Variants in GNPAT observed in about 807,000 individuals in gnomAD.
GNPAT encodes glyceronephosphate O-acyltransferase.
Under a neutral mutation model 78.4 loss-of-function variants are expected in GNPAT, and 30 were observed. The observed-to-expected ratio is 0.38, with a 90% CI of 0.29 to 0.52. The LOEUF is 0.52. Ranked by LOEUF, GNPAT falls within the 20% of genes least tolerant of loss-of-function variation. GNPAT has a pLI of 0.84. For missense variants in GNPAT, 714 were observed against 812.2 expected (o/e 0.88, Z 1.47); for synonymous variants, 271 against 281.1 (o/e 0.96, Z 0.36).
chr1:231,247,209 T>TG (rs1203416504), intron 1 of GNPAT, among the ~76,000 whole-genome samples: 1 of 151,418 alleles, frequency 6.6e-6, no homozygotes, highest in East Asian at 1.9e-4. Flanking sequence ...AGGGCCAGAA[T>TG]GGGGAGATTT....
At chr1:231,258,524 A>G (rs546969962) in intron 2 of GNPAT, among the ~76,000 whole-genome samples, 4 of 147,602 alleles carry the variant, frequency 2.7e-5, no homozygotes, top group Non-Finnish European at 5.9e-5. Context: ...GACTTCTTCT[A>G]TTTGGTCTAT....
At chr1:231,259,435 G>A (rs906854627) in intron 2 of GNPAT, among the ~76,000 whole-genome samples, 1 of 152,000 alleles carries the variant, frequency 6.6e-6, no homozygotes, top group Non-Finnish European at 1.5e-5. Context: ...ATCACCTGAG[G>A]TCGGGAGTTC....
At chr1:231,246,296 C>T (rs1372020883) in intron 1 of GNPAT, among the ~76,000 whole-genome samples, 2 of 152,330 alleles carry the variant, frequency 1.3e-5, no homozygotes, top group African/African-American at 4.8e-5. Flanking sequence ...AAACATTGAC[C>T]AACATACTAC....
chr1:231,274,068 TA>T lies in GNPAT; in HGVS notation c.1743+9del. 6.2e-7 allele frequency: 1 copy of T among 1,612,452 alleles called. No individual in the cohort carries two copies. Among genetic ancestry groups the T allele is most frequent in the Non-Finnish European group, 8.5e-7 (1 of 1,178,688 alleles). ...CTTTTGTGGAAAGCTATCAGGTATG[TA>T]AATTTGGCAAGTTCTCCTTCATGCC... On this transcript the variant is annotated splice_region_variant and intron_variant, in intron 12 of 15. Coordinates refer to ENST00000366647, the MANE Select transcript of GNPAT (RefSeq NM_014236.4).
chr1:231,248,787 A>C (rs1684817223), intron 1 of GNPAT, among the ~76,000 whole-genome samples: 1 of 152,120 alleles, frequency 6.6e-6, no homozygotes, highest in Non-Finnish European at 1.5e-5. Flanking sequence ...TATATGTGTA[A>C]ATTTGTACCA....
chr1:231,253,519 A>C (rs1233509018), intron 2 of GNPAT, among the ~76,000 whole-genome samples: 5 of 152,166 alleles, frequency 3.3e-5, no homozygotes, highest in African/African-American at 1.2e-4. Context: ...CCTTGGGAAC[A>C]TTTTTATCTC....
chr1:231,248,587 T>C lies in GNPAT; in HGVS notation c.79-2374T>C, dbSNP rs539576615. Among the ~76,000 whole-genome samples, 484 of 150,768 alleles carry C rather than the reference T, an allele frequency of 3.2e-3. 4 individuals are homozygous for C. The highest frequency in any genetic ancestry group is 0.011 in the African/African-American group (459 of 41,192). On this transcript the variant is annotated intron_variant, in intron 1 of 15. Transcript: ENST00000366647. ...CTATTGAAAAAAAAAAAAACTTAAA[T>C]GTAAAAATCCTCATGTAAGTAGACC... is the stretch of plus-strand genomic sequence containing the variant.
chr1:231,243,050 T>C (rs1403351587), intron 1 of GNPAT, among the ~76,000 whole-genome samples: 4 of 152,278 alleles, frequency 2.6e-5, no homozygotes, highest in African/African-American at 4.8e-5. Flanking sequence ...AAGATACTGC[T>C]GATTGCAGCA....
intron 12 of GNPAT, 119 bp downstream of exon 12, chr1:231,274,181 GGAGA>G (rs769389842): frequency 3.4e-6 from 3 of 888,222 alleles, no homozygotes; most frequent in East Asian, 4.9e-5. Flanking sequence ...AATGGAAGAA[GGAGA>G]GAGAGTGACT....
At chr1:231,253,120 C>A (rs563504463) in intron 2 of GNPAT, among the ~76,000 whole-genome samples, 10 of 152,186 alleles carry the variant, frequency 6.6e-5, no homozygotes, top group Non-Finnish European at 1.3e-4. Context: ...AGGCACCAGC[C>A]GCCACGCCCG....
At chr1:231,247,038 G>A (rs1423641313) in intron 1 of GNPAT, among the ~76,000 whole-genome samples, 3 of 152,116 alleles carry the variant, frequency 2.0e-5, no homozygotes, top group African/African-American at 7.2e-5. Flanking sequence ...GCATGGTGGC[G>A]GGCGCCTGTA....
intron 14 of GNPAT, 41 bp downstream of exon 14, chr1:231,275,539 G>A (rs1223893433): frequency 9.3e-7 from 1 of 1,076,892 alleles, no homozygotes; most frequent in Admixed American, 1.7e-5. Context: ...CAAGGAACAA[G>A]GAAATGAATG....
rs1684698077 is a variant in GNPAT, at chr1:231,244,529, G to T, written c.78+3073G>T. Among the ~76,000 whole-genome samples the T allele has an allele frequency of 1.3e-5, 2 of 152,176 alleles. 1 individual carries two copies. The highest frequency in any genetic ancestry group is 4.1e-4 in the South Asian group (2 of 4,828). Reference sequence around the variant, plus strand: ...TGGGCAGATGATGATGCCTTTCATTGATAAGAAATATGGGGAGAGGAGCAG... The same window carrying T: ...TGGGCAGATGATGATGCCTTTCATTTATAAGAAATATGGGGAGAGGAGCAG... On this transcript the variant is annotated intron_variant, in intron 1 of 15. Transcript: ENST00000366647.
At chr1:231,271,231 T>C (rs575197023) in intron 10 of GNPAT, among the ~76,000 whole-genome samples, 1 of 152,262 alleles carries the variant, frequency 6.6e-6, no homozygotes, top group East Asian at 1.9e-4. Context: ...ATATGGAAAA[T>C]GAGGCCTAGA....
chr1:231,269,082 C>T lies in GNPAT; in HGVS notation c.1279+1179C>T, dbSNP rs115570733. Among the ~76,000 whole-genome samples, 1,338 of 138,446 alleles carry T rather than the reference C, an allele frequency of 9.7e-3. 27 individuals carry two copies. The highest frequency in any genetic ancestry group is 0.033 in the African/African-American group (1,263 of 38,358). The allele number at this position is 138,446 out of a possible 152,430, so 90.8% of individuals were successfully genotyped here. A position where few individuals can be genotyped will look rare whatever the true frequency, so the allele number is the denominator to read the frequency against. On this transcript the variant is annotated intron_variant, in intron 9 of 15. Coordinates refer to ENST00000366647, the MANE Select transcript of GNPAT (RefSeq NM_014236.4). ...AACAAGATGCCATCCCCATCCTGGA[C>T]GTTCCCCTGGGTTGCAGAGGGCAGG...
chr1:231,259,595 C>T (rs1414947593), intron 2 of GNPAT, among the ~76,000 whole-genome samples: 2 of 145,830 alleles, frequency 1.4e-5, no homozygotes, highest in African/African-American at 5.1e-5. Context: ...TGCGGTGAGC[C>T]GAGATTGCAC....
chr1:231,266,551 C>A, intron 8 of GNPAT, 144 bp downstream of exon 8: 2 of 772,106 alleles, frequency 2.6e-6, no homozygotes, highest in Non-Finnish European at 4.4e-6. Context: ...ATTCCGTTTT[C>A]ATCAGTGGAA....
chr1:231,271,598 T>G (rs949844165), intron 10 of GNPAT, among the ~76,000 whole-genome samples: 3 of 152,174 alleles, frequency 2.0e-5, no homozygotes, highest in African/African-American at 7.2e-5. Context: ...GGTTTTGGCT[T>G]TTCAAAGCTC....
In GNPAT at chr1:231,250,978, G is replaced by A; in HGVS notation, c.96G>A (p.Trp32Ter). The change falls in exon 2 of 16, where the codon TGG (tryptophan) becomes TGA (stop). Residue 32 changes from tryptophan to a stop codon, truncating the protein, a stop_gained. Coordinates refer to ENST00000366647, the MANE Select transcript of GNPAT (RefSeq NM_014236.4). LOFTEE classifies it high-confidence loss of function. ...ATCCACAGAAGGAGCTCAAAAAGTG[G>A]GATGAGTTTGAAGATATTTTAGAAG... ...VLLYSKELKK[W>*]DEFEDILEER... 1 of 1,610,844 alleles carries A rather than the reference G, an allele frequency of 6.2e-7. No individual in the cohort carries two copies. The highest frequency in any genetic ancestry group is 8.5e-7 in the Non-Finnish European group (1 of 1,177,464).
Sources: gnomAD v4.1 joint callset for allele counts (sites outside exome capture counted in the v4.1 genomes callset) on GRCh38, gnomAD v4.1.1 for gene constraint, MANE v1.5 for transcripts, NCBI Gene and HGNC (gene_info 2026-07-23, HGNC 2026-07-21) for gene names.